The following WWC2 variants were observed in gnomAD, a reference collection of about 807,000 sequenced individuals.
WWC2 encodes the protein WW and C2 domain containing 2.
In WWC2, 101 loss-of-function variants were observed where a neutral mutation model predicts 138.5. The observed-to-expected ratio is 0.73, with a 90% CI of 0.62 to 0.86. The LOEUF (loss-of-function observed/expected upper bound fraction) is 0.86. Ranked by LOEUF, WWC2 falls within the 40% of genes least tolerant of loss-of-function variation. WWC2 has a pLI of 0.00. For missense variants in WWC2, 1,420 were observed against 1,419.4 expected (o/e 1.00, Z -0.01); for synonymous variants, 558 against 538.4 (o/e 1.04, Z -0.50).
intron 1 of WWC2, among the ~76,000 whole-genome samples, chr4:183,139,425 T>G (rs1733225905): frequency 6.6e-6 from 1 of 152,204 alleles, no homozygotes; most frequent in Non-Finnish European, 1.5e-5. Context: ...TGTCCAAAAA[T>G]GAACTCCCCA....
At chr4:183,193,565 G>T (rs1374217970) in intron 1 of WWC2, 34 bp from the exon 2 acceptor site, 2 of 1,594,250 alleles carry the variant, frequency 1.3e-6, no homozygotes, top group Non-Finnish European at 1.7e-6. Flanking sequence ...TTGACGGAAA[G>T]AATCACTGGT....
Position 183,214,738 on chromosome 4 carries a change from G to A in WWC2, c.522+5713G>A, listed in dbSNP as rs542017418. Among the ~76,000 whole-genome samples, 5 of 151,794 alleles carry A rather than the reference G, an allele frequency of 3.3e-5. No individual in the cohort carries two copies. In the East Asian group the frequency reaches 9.7e-4, roughly 29 times the overall value. On this transcript the variant is annotated intron_variant, in intron 4 of 22. Transcript: ENST00000403733. Reference sequence around the variant, plus strand: ...ACGTGGGAGGTGGAGGTTGCGGTGAGCCGAGATTGCACCAGCCTGGGCAAC... The same window carrying A: ...ACGTGGGAGGTGGAGGTTGCGGTGAACCGAGATTGCACCAGCCTGGGCAAC...
At chr4:183,159,570 A>G (rs1432442226) in intron 1 of WWC2, among the ~76,000 whole-genome samples, 2 of 151,904 alleles carry the variant, frequency 1.3e-5, no homozygotes, top group Non-Finnish European at 2.9e-5. Context: ...CACCTGTCTA[A>G]TTTTTTGTAT....
chr4:183,271,248 C>A lies in WWC2; in HGVS notation c.2562+7C>A. The A allele has an allele frequency of 1.3e-6, 2 of 1,593,508 alleles. No homozygotes were observed. The highest frequency in any genetic ancestry group is 2.3e-5 in the South Asian group (2 of 86,222). On this transcript the variant is annotated splice_region_variant and intron_variant, in intron 16 of 22. Coordinates refer to ENST00000403733, the MANE Select transcript of WWC2 (RefSeq NM_024949.6). ...AGTAGATTCTATAGACTTGGTGAGT[C>A]AAAATTAGAGTATAATATGAAAGTA...
At chr4:183,130,612 G>A (rs574285572) in intron 1 of WWC2, among the ~76,000 whole-genome samples, 1 of 152,246 alleles carries the variant, frequency 6.6e-6, no homozygotes, top group South Asian at 2.1e-4. Flanking sequence ...TTTTAAAGAG[G>A]TTTAGAAAGG....
chr4:183,174,510 C>T (rs1232298228), intron 1 of WWC2, among the ~76,000 whole-genome samples: 3 of 152,178 alleles, frequency 2.0e-5, no homozygotes, highest in Non-Finnish European at 4.4e-5. Flanking sequence ...ATCCGCTGAC[C>T]TTCCCATTGT....
At position 183,265,916 on chromosome 4, in the gene WWC2, C is replaced by A; in HGVS notation, c.2172C>A (p.Asn724Lys). 6.2e-7 allele frequency: 1 copy of A among 1,613,282 alleles called. No homozygotes were observed. The highest frequency in any genetic ancestry group is 8.5e-7 in the Non-Finnish European group (1 of 1,179,628). ...TGGTGATTATAGCACAGCTCCGAAA[C>A]CTTCATGCCTTCTTGATACCTCATA... The part of the protein sequence containing the change: ...SFMVIIAQLR[N>K]LHAFLIPHTS... The change falls in exon 14 of 23, where the codon AAC (asparagine) becomes AAA (lysine). Residue 724 changes from asparagine to lysine, a missense_variant. Transcript: ENST00000403733.
At chr4:183,156,665 G>T (rs761733938) in intron 1 of WWC2, among the ~76,000 whole-genome samples, 3 of 152,116 alleles carry the variant, frequency 2.0e-5, no homozygotes, top group African/African-American at 4.8e-5. Flanking sequence ...CATCTACTCT[G>T]CAGTGACCTC....
At chr4:183,232,082 G>A (rs1014042087) in intron 4 of WWC2, among the ~76,000 whole-genome samples, 1 of 152,176 alleles carries the variant, frequency 6.6e-6, no homozygotes, top group Non-Finnish European at 1.5e-5. Context: ...CCACTGGAAA[G>A]GTTGTGGATG....
At chr4:183,294,391 T>C (rs1738562619) in intron 21 of WWC2, among the ~76,000 whole-genome samples, 1 of 152,212 alleles carries the variant, frequency 6.6e-6, no homozygotes, top group African/African-American at 2.4e-5. Flanking sequence ...TACAAATTTA[T>C]TAAACTGCTA....
intron 1 of WWC2, among the ~76,000 whole-genome samples, chr4:183,108,836 C>G (rs1732132830): frequency 6.6e-6 from 1 of 152,136 alleles, no homozygotes; most frequent in Non-Finnish European, 1.5e-5. Flanking sequence ...GTCTTGAACT[C>G]CTGACCTAGT....
chr4:183,243,202 T>G (rs896414792), intron 5 of WWC2, among the ~76,000 whole-genome samples: 6 of 152,222 alleles, frequency 3.9e-5, no homozygotes, highest in African/African-American at 1.2e-4. Flanking sequence ...TGATAAAGTT[T>G]ATGTTCATTT....
At chr4:183,146,384 C>G (rs1032157468) in intron 1 of WWC2, among the ~76,000 whole-genome samples, 3 of 152,236 alleles carry the variant, frequency 2.0e-5, no homozygotes, top group Non-Finnish European at 4.4e-5. Context: ...CAGTTGCTCT[C>G]TCTCTAGATG....
chr4:183,178,418 A>AAATT (rs1447448423), intron 1 of WWC2, among the ~76,000 whole-genome samples: 48 of 148,560 alleles, frequency 3.2e-4, no homozygotes, highest in Admixed American at 4.7e-4. Context: ...ATAAATAAAT[A>AAATT]AATTTAAAAA....
intron 16 of WWC2, 53 bp downstream of exon 16, chr4:183,271,294 A>G: frequency 1.4e-6 from 2 of 1,386,872 alleles, no homozygotes; most frequent in South Asian, 3.3e-5. Flanking sequence ...CATATATGAA[A>G]TACATATATG....
chr4:183,170,490 C>G (rs557522494), intron 1 of WWC2, among the ~76,000 whole-genome samples: 2 of 151,994 alleles, frequency 1.3e-5, no homozygotes, highest in South Asian at 4.2e-4. Context: ...AAAGCACTTT[C>G]GAGGAGAGCA....
intron 1 of WWC2, among the ~76,000 whole-genome samples, chr4:183,106,445 T>G (rs1743364325): frequency 6.6e-6 from 1 of 152,254 alleles, no homozygotes; most frequent in African/African-American, 2.4e-5. Context: ...ATTATTCATT[T>G]TAACCATTTT....
intron 1 of WWC2, among the ~76,000 whole-genome samples, chr4:183,175,038 A>G (rs1734421325): frequency 6.6e-6 from 1 of 152,144 alleles, no homozygotes; most frequent in South Asian, 2.1e-4. Flanking sequence ...CTCTTGCTGT[A>G]ACATTTGAAG....
chr4:183,189,171 A>C (rs1734915590), intron 1 of WWC2, among the ~76,000 whole-genome samples: 1 of 151,894 alleles, frequency 6.6e-6, no homozygotes, highest in African/African-American at 2.4e-5. Flanking sequence ...GCAGTGGCTC[A>C]TGCCTGTAAT....
Sources: allele counts gnomAD v4.1 joint callset (sites outside exome capture counted in the v4.1 genomes callset), GRCh38; gene constraint gnomAD v4.1.1; transcripts MANE v1.5; gene names NCBI Gene and HGNC (gene_info 2026-07-23, HGNC 2026-07-21).